WDPCP: variants seen among roughly 807,000 people sequenced by gnomAD.
The protein encoded by WDPCP is WD repeat-containing and planar cell polarity effector protein fritz homolog.
Under a neutral mutation model 93.1 loss-of-function variants are expected in WDPCP, and 71 were observed. The observed-to-expected ratio is 0.76, with a 90% CI of 0.63 to 0.93. WDPCP has a LOEUF of 0.93. Among genes scored for constraint, WDPCP ranks in the 40% least tolerant of loss-of-function variants. The pLI is 0.00. For synonymous variants in WDPCP, 315 were observed against 315.0 expected, an observed-to-expected ratio of 1.00 and a Z score of 0.00; for missense variants, 844 against 887.4, an observed-to-expected ratio of 0.95 and a Z score of 0.62.
At chr2:63,666,358 G>T (rs1710283137) in intron 2 of WDPCP, among the ~76,000 whole-genome samples, 1 of 152,192 alleles carries the variant, frequency 6.6e-6, no homozygotes, top group Non-Finnish European at 1.5e-5. Context: ...TTCACTGCCT[G>T]CTGTGTGTTT....
Position 63,433,626 on chromosome 2 carries a change from A to G in WDPCP, c.825+119T>C, listed in dbSNP as rs2105464480. On this transcript the variant is annotated intron_variant, in intron 9 of 17. Coordinates refer to ENST00000272321, the MANE Select transcript of WDPCP (RefSeq NM_015910.7). The stretch of plus-strand genomic sequence containing the variant: ...TATCTTCTAGATATGATACTTTTTG[A>G]ATATTTGAAAAACATAAATTATAGG... The G allele has an allele frequency of 4.6e-6, 5 of 1,096,674 alleles. No homozygotes were observed. In the South Asian group the frequency reaches 8.8e-5, roughly 19 times the overall value. The allele number at this position is 1,096,674 out of a possible 1,614,324, so 67.9% of individuals were successfully genotyped here.
At chr2:63,556,265 T>G (rs1001345807) in intron 1 of WDPCP, among the ~76,000 whole-genome samples, 1 of 152,164 alleles carries the variant, frequency 6.6e-6, no homozygotes, top group African/African-American at 2.4e-5. Context: ...GAAGACTATC[T>G]TGCTGAAATA....
intron 17 of WDPCP, among the ~76,000 whole-genome samples, chr2:63,138,798 A>C (rs936855148): frequency 2.6e-5 from 4 of 152,116 alleles, no homozygotes; most frequent in African/African-American, 7.2e-5. Context: ...TGGTGCACCC[A>C]TCAAATATGG....
At chr2:63,734,820 G>T (rs1441372698) in intron 2 of WDPCP, among the ~76,000 whole-genome samples, 3 of 151,908 alleles carry the variant, frequency 2.0e-5, no homozygotes, top group African/African-American at 4.8e-5. Context: ...ACCAAACATA[G>T]GCTGAGAAAT....
intron 9 of WDPCP, among the ~76,000 whole-genome samples, chr2:63,428,593 C>T (rs1300459798): frequency 3.3e-5 from 5 of 152,168 alleles, no homozygotes; most frequent in African/African-American, 9.7e-5. Context: ...ATAATAAAAG[C>T]CATCTATTTC....
intron 13 of WDPCP, among the ~76,000 whole-genome samples, chr2:63,271,470 G>A (rs77623907): frequency 0.015 from 2,263 of 152,242 alleles, 61 homozygotes; most frequent in African/African-American, 0.052. Context: ...GTGCCCACAT[G>A]TACCACTGAG....
intron 2 of WDPCP, among the ~76,000 whole-genome samples, chr2:63,762,042 A>G (rs1670062868): frequency 6.6e-6 from 1 of 152,248 alleles, no homozygotes; most frequent in Admixed American, 6.5e-5. Flanking sequence ...CTTCAAGACC[A>G]TTGCAAGATT....
rs563385161 is a variant in WDPCP, at chr2:63,679,273, T to A, written n.309-28435A>T. Among the ~76,000 whole-genome samples the A allele has an allele frequency of 4.6e-5, 7 of 152,136 alleles. No homozygotes were observed. In the South Asian group the frequency reaches 1.5e-3, roughly 32 times the overall value. On this transcript the variant is annotated intron_variant and non_coding_transcript_variant, in intron 2 of 4. Transcript: ENST00000467687. ...TGAGTGATTTTTATTCCTGTCAAGT[T>A]CCTATATGGGCTCCCCATGGAGTCA...
intron 2 of WDPCP, among the ~76,000 whole-genome samples, chr2:63,698,918 C>T (rs1043466099): frequency 1.3e-5 from 2 of 152,192 alleles, no homozygotes; most frequent in African/African-American, 4.8e-5. Context: ...CAGTATCTCC[C>T]TGGAAAATGA....
intron 2 of WDPCP, among the ~76,000 whole-genome samples, chr2:63,810,359 T>TA (rs1352455904): frequency 1.3e-5 from 2 of 152,262 alleles, no homozygotes; most frequent in African/African-American, 4.8e-5. Flanking sequence ...TCTAAAAAGA[T>TA]ACAGGCATAT....
intron 14 of WDPCP, among the ~76,000 whole-genome samples, chr2:63,218,966 A>G (rs1233421309): frequency 6.6e-6 from 1 of 152,230 alleles, no homozygotes; most frequent in Non-Finnish European, 1.5e-5. Flanking sequence ...ACCTGACACA[A>G]AACAATAGAA....
chr2:63,633,741 C>T (rs772902814), intron 3 of WDPCP, among the ~76,000 whole-genome samples: 1 of 152,122 alleles, frequency 6.6e-6, no homozygotes, highest in African/African-American at 2.4e-5. Context: ...TAAGTCCTTA[C>T]CTATAAACAA....
chr2:63,704,850 T>C (rs1404617492), intron 2 of WDPCP, among the ~76,000 whole-genome samples: 1 of 152,196 alleles, frequency 6.6e-6, no homozygotes, highest in Admixed American at 6.5e-5. Context: ...TTTCTATTGA[T>C]TGGGATAGTT....
chr2:63,766,522 T>C (rs1389365327), intron 2 of WDPCP, among the ~76,000 whole-genome samples: 1 of 151,924 alleles, frequency 6.6e-6, no homozygotes, highest in East Asian at 1.9e-4. Flanking sequence ...AATAGGATTA[T>C]GTATAGTTAT....
At chr2:63,605,777 G>A (rs1709515263) in intron 3 of WDPCP, 1 of 652,392 alleles carries the variant, frequency 1.5e-6, no homozygotes, top group Non-Finnish European at 2.7e-6. Context: ...TAATATCCAT[G>A]AAAGTTACCT....
chr2:63,729,664 T>A (rs1669534482), intron 2 of WDPCP, among the ~76,000 whole-genome samples: 1 of 152,166 alleles, frequency 6.6e-6, no homozygotes, highest in Non-Finnish European at 1.5e-5. Context: ...CACAACTCAA[T>A]TTTCTATTTT....
intron 2 of WDPCP, among the ~76,000 whole-genome samples, chr2:63,688,742 A>T (rs1002437537): frequency 6.6e-6 from 1 of 152,184 alleles, no homozygotes; most frequent in African/African-American, 2.4e-5. Context: ...CACATACCCC[A>T]TAAATATATA....
At chr2:63,351,499 C>T (rs548265153) in intron 12 of WDPCP, among the ~76,000 whole-genome samples, 1 of 152,190 alleles carries the variant, frequency 6.6e-6, no homozygotes, top group East Asian at 1.9e-4. Flanking sequence ...CAATGTTTAG[C>T]TCTCATTTAT....
At chr2:63,544,297 C>A (rs1209999674) in intron 1 of WDPCP, among the ~76,000 whole-genome samples, 1 of 152,090 alleles carries the variant, frequency 6.6e-6, no homozygotes, top group African/African-American at 2.4e-5. Context: ...CCATCACCAC[C>A]ATGATACCAC....
Sources: gnomAD v4.1 joint callset for allele counts (sites outside exome capture counted in the v4.1 genomes callset) on GRCh38, gnomAD v4.1.1 for gene constraint, MANE v1.5 for transcripts, NCBI Gene and HGNC (gene_info 2026-07-23, HGNC 2026-07-21) for gene names.